Variants in TAFA4 observed in about 807,000 individuals in gnomAD.
TAFA4 encodes TAFA chemokine like family member 4, also known as chemokine-like protein TAFA-4.
TAFA4 carries 20 observed loss-of-function variants against 21.1 expected under a neutral mutation model. That is an observed-to-expected ratio of 0.95 (90% CI 0.67 to 1.38). TAFA4 has a LOEUF of 1.38. Ranked by LOEUF, TAFA4 falls within the 40% of genes most tolerant of loss-of-function variation. The pLI, the probability that TAFA4 is intolerant of heterozygous loss-of-function variation, is 0.00. For missense variants in TAFA4, 211 were observed against 180.9 expected (o/e 1.17, Z -0.95); for synonymous variants, 71 against 67.4 (o/e 1.05, Z -0.26).
At chr3:68,753,872 T>C (rs1370538661) in intron 3 of TAFA4, among the ~76,000 whole-genome samples, 1 of 152,212 alleles carries the variant, frequency 6.6e-6, no homozygotes, top group Non-Finnish European at 1.5e-5. Flanking sequence ...CATAAAGGAA[T>C]GCAGTCTGCT....
At chr3:68,803,740 A>ATAAG (rs1703624932) in intron 3 of TAFA4, among the ~76,000 whole-genome samples, 1 of 149,064 alleles carries the variant, frequency 6.7e-6, no homozygotes, top group African/African-American at 2.4e-5. Context: ...GCCCTACCAA[A>ATAAG]TAAGATTTCT....
chr3:68,733,240 CTG>C, intron 5 of TAFA4, 87 bp from the exon 6 acceptor site: 1 of 1,500,952 alleles, frequency 6.7e-7, no homozygotes, highest in Non-Finnish European at 9.1e-7. Flanking sequence ...AAGGTCCTGA[CTG>C]TGAATACTTT....
In TAFA4 at chr3:68,775,147, A is replaced by G. The variant is rs73835349; in HGVS notation, c.131-22129T>C. ...TCAGAAAACAACTCAGATTTTAGCTATTTGTTAAAGCCCTTATGTGAGCTG... is the reference window on the plus strand; with the variant it reads ...TCAGAAAACAACTCAGATTTTAGCTGTTTGTTAAAGCCCTTATGTGAGCTG... On this transcript the variant is annotated intron_variant, in intron 3 of 5. Coordinates refer to ENST00000295569, the MANE Select transcript of TAFA4 (RefSeq NM_182522.5). 3.6e-3 allele frequency among the ~76,000 whole-genome samples: 544 copies of G among 152,288 alleles called. 5 individuals are homozygous for G. The highest frequency in any genetic ancestry group is 0.011 in the African/African-American group (450 of 41,558).
At chr3:68,826,567 T>C (rs1471620506) in intron 3 of TAFA4, among the ~76,000 whole-genome samples, 4 of 101,570 alleles carry the variant, frequency 3.9e-5, no homozygotes, top group African/African-American at 1.2e-4. Context: ...AGCGAGACTC[T>C]GCCTCAAAAA....
rs202083123 is a variant in TAFA4, at chr3:68,885,163, A to C, written c.14+12T>G. On this transcript the variant is annotated intron_variant, in intron 2 of 5. Coordinates refer to ENST00000295569, the MANE Select transcript of TAFA4 (RefSeq NM_182522.5). ...AGATATCATGTCCAGGTGAACGTTA[A>C]AATAATCTTACCTTGGGGACCTCAT... The C allele has an allele frequency of 1.4e-5, 22 of 1,612,596 alleles. No homozygotes were observed. The highest frequency in any genetic ancestry group is 1.9e-5 in the Non-Finnish European group (22 of 1,179,258).
chr3:68,736,648 C>T (rs1024107334), intron 5 of TAFA4, among the ~76,000 whole-genome samples: 4 of 152,034 alleles, frequency 2.6e-5, no homozygotes, highest in African/African-American at 9.7e-5. Flanking sequence ...GAGACAATTG[C>T]TCTGCTTTTC....
intron 3 of TAFA4, among the ~76,000 whole-genome samples, chr3:68,805,565 A>G (rs972603313): frequency 2.6e-5 from 4 of 152,210 alleles, no homozygotes; most frequent in Admixed American, 2.0e-4. Context: ...CAAATGTCCA[A>G]CAACGATAGA....
chr3:68,843,279 T>A (rs1450239932), intron 3 of TAFA4, among the ~76,000 whole-genome samples: 1 of 152,216 alleles, frequency 6.6e-6, no homozygotes, highest in Non-Finnish European at 1.5e-5. Flanking sequence ...GGTATTTTAT[T>A]CCCTTTGAGG....
intron 3 of TAFA4, among the ~76,000 whole-genome samples, chr3:68,879,349 T>C (rs2089589754): frequency 6.6e-6 from 1 of 152,060 alleles, no homozygotes; most frequent in Non-Finnish European, 1.5e-5. Context: ...GGGACAAAAA[T>C]GCCACATGGA....
chr3:68,878,453 G>C (rs1458054378), intron 3 of TAFA4, among the ~76,000 whole-genome samples: 9 of 152,110 alleles, frequency 5.9e-5, no homozygotes, highest in Admixed American at 2.6e-4. Context: ...TAATTCCACA[G>C]GAGTTGAGTT....
chr3:68,736,724 G>A (rs1702247511), intron 5 of TAFA4, among the ~76,000 whole-genome samples: 2 of 152,110 alleles, frequency 1.3e-5, no homozygotes, highest in African/African-American at 2.4e-5. Context: ...ACTACTGGAA[G>A]CTAGTCACAG....
Position 68,733,081 on chromosome 3 carries a change from C to A in TAFA4, c.*61G>T. The A allele has an allele frequency of 1.9e-6, 3 of 1,607,346 alleles. No individual in the cohort carries two copies. The Admixed American group carries it at 5.1e-5, about 27-fold the overall frequency. ...TCTGCAAAGGGGCCATGATGGGAAT[C>A]CAAGCAAAAGAGCTCCGCCTCCTGC... On this transcript the variant is annotated 3_prime_UTR_variant, in exon 6 of 6. Transcript: ENST00000295569.
chr3:68,799,285 T>C (rs1703522075), intron 3 of TAFA4, among the ~76,000 whole-genome samples: 1 of 152,180 alleles, frequency 6.6e-6, no homozygotes, highest in Non-Finnish European at 1.5e-5. Flanking sequence ...TCAACGTGTC[T>C]GCAGAGGCCC....
At chr3:68,846,237 T>G (rs531139421) in intron 3 of TAFA4, among the ~76,000 whole-genome samples, 1 of 152,122 alleles carries the variant, frequency 6.6e-6, no homozygotes, top group East Asian at 1.9e-4. Context: ...TCCTCTAATC[T>G]TGTCTTCATG....
At chr3:68,873,278 G>A (rs2089507424) in intron 3 of TAFA4, among the ~76,000 whole-genome samples, 1 of 150,280 alleles carries the variant, frequency 6.7e-6, no homozygotes, top group Non-Finnish European at 1.5e-5. Context: ...TTGTTTTCCA[G>A]GAGAAGACAA....
At chr3:68,848,691 T>G (rs1704870046) in intron 3 of TAFA4, among the ~76,000 whole-genome samples, 1 of 152,186 alleles carries the variant, frequency 6.6e-6, no homozygotes, top group Non-Finnish European at 1.5e-5. Flanking sequence ...TACCAGTGGC[T>G]CAGACAGTAA....
intron 5 of TAFA4, among the ~76,000 whole-genome samples, chr3:68,737,999 A>T (rs1702275086): frequency 6.6e-6 from 1 of 152,222 alleles, no homozygotes; most frequent in Non-Finnish European, 1.5e-5. Flanking sequence ...AAGCAAAAAC[A>T]AAGCCAGGGC....
intron 1 of TAFA4, among the ~76,000 whole-genome samples, chr3:68,921,726 C>T (rs1487252064): frequency 6.6e-6 from 1 of 152,216 alleles, no homozygotes; most frequent in Non-Finnish European, 1.5e-5. Flanking sequence ...TCCTGTATGT[C>T]ACCTGCCGAT....
intron 1 of TAFA4, among the ~76,000 whole-genome samples, chr3:68,906,311 C>T (rs2089900193): frequency 6.6e-6 from 1 of 152,212 alleles, no homozygotes; most frequent in Admixed American, 6.5e-5. Flanking sequence ...AATTGAAGAC[C>T]TTGCCAGTTG....
Sources: allele counts gnomAD v4.1 joint callset (sites outside exome capture counted in the v4.1 genomes callset), GRCh38; gene constraint gnomAD v4.1.1; transcripts MANE v1.5; gene names NCBI Gene and HGNC (gene_info 2026-07-23, HGNC 2026-07-21).